Variants in GSE1 observed in about 807,000 individuals in gnomAD.
The protein encoded by GSE1 is genetic suppressor element 1.
A neutral mutation model predicts 112.6 loss-of-function variants in GSE1; 32 were observed. That is an observed-to-expected ratio of 0.28 (90% CI 0.21 to 0.38). The LOEUF (loss-of-function observed/expected upper bound fraction) is 0.38, where lower values mean the gene tolerates loss of function less well. Ranked by LOEUF, GSE1 falls within the 10% of genes least tolerant of loss-of-function variation. The pLI is 1.00. For synonymous variants in GSE1, 1,115 were observed against 735.6 expected, an observed-to-expected ratio of 1.52 and a Z score of -8.35; for missense variants, 2,348 against 1,699.2, an observed-to-expected ratio of 1.38 and a Z score of -6.71.
chr16:85,437,670 G>C (rs778896016), intron 2 of GSE1, among the ~76,000 whole-genome samples: 1 of 152,238 alleles, frequency 6.6e-6, no homozygotes, highest in East Asian at 1.9e-4. Context: ...CCTGTCTCCT[G>C]CCCCACCTGG....
At position 85,546,110 on chromosome 16, in the gene GSE1, A is replaced by C. The variant is rs572195297; in HGVS notation, c.2465-87804A>C. 1.1e-4 allele frequency among the ~76,000 whole-genome samples: 16 copies of C among 151,528 alleles called. No individual in the cohort carries two copies. In the South Asian group the frequency reaches 1.9e-3, roughly 18 times the overall value. ...ATTAGTTTTTTATTTTTCTTGAGAC[A>C]GTCTAGCTCTGTTGCCCAGGCTAGA... On this transcript the variant is annotated intron_variant, in intron 2 of 2. Transcript: ENST00000637419.
At chr16:85,350,155 C>T (rs1417879422) in intron 1 of GSE1, among the ~76,000 whole-genome samples, 2 of 152,194 alleles carry the variant, frequency 1.3e-5, no homozygotes, top group African/African-American at 2.4e-5. Flanking sequence ...ATAGTAGGTA[C>T]TCGGGACAAG....
chr16:85,190,101 G>C (rs1341087856), intron 1 of GSE1, among the ~76,000 whole-genome samples: 1 of 152,146 alleles, frequency 6.6e-6, no homozygotes, highest in African/African-American at 2.4e-5. Flanking sequence ...CTAGGTCTAA[G>C]GGCACACTTC....
chr16:85,391,819 C>G lies in GSE1; in HGVS notation c.2464+34176C>G, dbSNP rs369734045. ...CACTGGCATGTCCCCCACCAATCTCCGAGCTCACCTGCAGATGGCTCTATA... is the reference window on the plus strand; with the variant it reads ...CACTGGCATGTCCCCCACCAATCTCGGAGCTCACCTGCAGATGGCTCTATA... On this transcript the variant is annotated intron_variant, in intron 2 of 2. Coordinates refer to the GSE1 transcript ENST00000637419. 3.6e-4 allele frequency among the ~76,000 whole-genome samples: 55 copies of G among 152,294 alleles called. No homozygotes were observed. The South Asian group carries it at 8.7e-3, about 24-fold the overall frequency.
intron 2 of GSE1, among the ~76,000 whole-genome samples, chr16:85,396,803 G>A (rs1345859866): frequency 6.6e-6 from 1 of 152,232 alleles, no homozygotes; most frequent in East Asian, 1.9e-4. Flanking sequence ...GCAGGTCAGG[G>A]CCATGGGCTG....
intron 1 of GSE1, among the ~76,000 whole-genome samples, chr16:85,197,688 C>G (rs960879129): frequency 2.6e-5 from 4 of 152,224 alleles, no homozygotes; most frequent in Non-Finnish European, 4.4e-5. Context: ...AAGGCCCTCC[C>G]TGGTCCTGGC....
Position 85,674,955 on chromosome 16 carries a change from A to C in GSE1, c.*2416A>C, listed in dbSNP as rs546923581. ...ACGACAATCAGAATACAAACCAGTA[A>C]GGCAACACGAATAAACTAAGAAAAA... On this transcript the variant is annotated 3_prime_UTR_variant, in exon 16 of 16. Transcript: ENST00000253458. 6.5e-4 allele frequency: 100 copies of C among 152,792 alleles called. No homozygotes were observed. The highest frequency in any genetic ancestry group is 2.4e-3 in the African/African-American group (98 of 41,582). 9.5% of individuals were successfully genotyped at this position (152,792 alleles called of 1,614,324 possible). A position where few individuals can be genotyped will look rare whatever the true frequency, so the allele number is the denominator to read the frequency against.
At chr16:85,584,014 C>T (rs760551226) in intron 1 of GSE1, among the ~76,000 whole-genome samples, 4 of 152,216 alleles carry the variant, frequency 2.6e-5, no homozygotes, top group Non-Finnish European at 5.9e-5. Context: ...CTTCAATTGG[C>T]CCTAATTATG....
intron 2 of GSE1, among the ~76,000 whole-genome samples, chr16:85,645,388 G>T (rs732460): frequency 0.18 from 27,117 of 152,076 alleles, 2,869 homozygotes; most frequent in Middle Eastern, 0.26. Flanking sequence ...CGGAGTGTCT[G>T]TTGTGGAGCT....
Position 85,671,042 on chromosome 16 carries a change from G to C in GSE1, c.3463G>C (p.Glu1155Gln). The C allele has an allele frequency of 6.2e-7, 1 of 1,613,164 alleles. No homozygotes were observed. The highest frequency in any genetic ancestry group is 2.2e-5 in the East Asian group (1 of 44,856). Residue 1155 changes from glutamate (E) to glutamine (Q), a missense_variant, in exon 15 of 16, where the codon GAG (glutamate) becomes CAG (glutamine). Coordinates refer to ENST00000253458, the MANE Select transcript of GSE1 (RefSeq NM_014615.5). Reference protein sequence around the residue: ...QVLQTQCRRLEARHYSLSLTA... With the variant: ...QVLQTQCRRLQARHYSLSLTA... ...GTTACAGACACAATGTAGACGACTG[G>C]AGGCCCGGCACTACAGCCTCAGCCT...
At position 85,657,412 on chromosome 16, in the gene GSE1, C is replaced by T. The variant is rs2151939486; in HGVS notation, c.1448C>T (p.Ala483Val). Residue 483 changes from alanine to valine, a missense_variant, in exon 8 of 16, where the codon GCC (alanine) becomes GTC (valine). Transcript: ENST00000253458. ...TTCTCTCTGCCTAGCAGCAGTGCTG[C>T]CACAGCCCTGCTGATCCAGCGCACC... is the stretch of plus-strand genomic sequence containing the variant. ...GIFSLPSSSA[A>V]TALLIQRTNE... is the part of the protein sequence containing the mutation. 6.2e-7 allele frequency: 1 copy of T among 1,612,626 alleles called. No homozygotes were observed. Among genetic ancestry groups the T allele is most frequent in the Non-Finnish European group, 8.5e-7 (1 of 1,179,728 alleles).
intron 15 of GSE1, chr16:85,671,989 C>G (rs1598735033): frequency 2.0e-5 from 4 of 204,796 alleles, no homozygotes; most frequent in Admixed American, 1.1e-4. Context: ...AGAACACAGG[C>G]TGAGAAGTGG....
intron 2 of GSE1, among the ~76,000 whole-genome samples, chr16:85,360,962 C>T (rs1397131377): frequency 6.6e-6 from 1 of 151,958 alleles, no homozygotes; most frequent in Non-Finnish European, 1.5e-5. Flanking sequence ...CTGTCTGCAC[C>T]ACAAACATAC....
chr16:85,599,216 T>C (rs2047361066), intron 1 of GSE1, among the ~76,000 whole-genome samples: 1 of 152,150 alleles, frequency 6.6e-6, no homozygotes, highest in Admixed American at 6.5e-5. Context: ...ATATCAGAGG[T>C]TGGTGATGCT....
At chr16:85,519,582 T>A (rs1375882356) in intron 2 of GSE1, among the ~76,000 whole-genome samples, 6 of 134,012 alleles carry the variant, frequency 4.5e-5, no homozygotes, top group Non-Finnish European at 6.6e-5. Flanking sequence ...ATCACCAGTC[T>A]CCATCATCAT....
chr16:85,543,165 T>C (rs566003623), intron 2 of GSE1, among the ~76,000 whole-genome samples: 6 of 151,258 alleles, frequency 4.0e-5, no homozygotes, highest in African/African-American at 1.5e-4. Flanking sequence ...TGAGCCGAGA[T>C]TGTGCCATGC....
intron 1 of GSE1, among the ~76,000 whole-genome samples, chr16:85,215,183 A>G (rs2075288325): frequency 6.6e-6 from 1 of 152,230 alleles, no homozygotes; most frequent in Admixed American, 6.5e-5. Context: ...CCTGCTCCTC[A>G]GCTCTGAAAC....
chr16:85,208,806 G>A (rs1195510485), intron 1 of GSE1, among the ~76,000 whole-genome samples: 2 of 107,100 alleles, frequency 1.9e-5, no homozygotes, highest in Admixed American at 8.7e-5. Flanking sequence ...GCCTGTGTTG[G>A]GGTTTGCCAC....
intron 1 of GSE1, among the ~76,000 whole-genome samples, chr16:85,306,041 A>G (rs2045668719): frequency 6.6e-6 from 1 of 152,106 alleles, no homozygotes. Flanking sequence ...CAGTGAGCCT[A>G]GATCGTGCCA....
Sources: gnomAD v4.1 joint callset for allele counts (sites outside exome capture counted in the v4.1 genomes callset) on GRCh38, gnomAD v4.1.1 for gene constraint, MANE v1.5 for transcripts, NCBI Gene and HGNC (gene_info 2026-07-23, HGNC 2026-07-21) for gene names.